Variants in SOX5 observed in about 807,000 individuals in gnomAD.
SOX5 encodes transcription factor SOX-5.
In SOX5, 9 loss-of-function variants were observed where a neutral mutation model predicts 92.0. The observed-to-expected ratio is 0.10, with a 90% CI of 0.06 to 0.17. The LOEUF (loss-of-function observed/expected upper bound fraction) is 0.17. Among genes scored for constraint, SOX5 ranks in the 10% least tolerant of loss-of-function variants. The pLI, the probability that SOX5 is intolerant of heterozygous loss-of-function variation, is 1.00. For synonymous variants in SOX5, 344 were observed against 336.3 expected (o/e 1.02, Z -0.25); for missense variants, 642 against 944.5 (o/e 0.68, Z 4.20).
rs60575337 is a variant in SOX5 at position 23,726,118 on chromosome 12, C to CGAGAGA, written c.810+8560_810+8565dup. On this transcript the variant is annotated intron_variant, in intron 6 of 14. Transcript: ENST00000451604. ...TAATGGTGTTAAATACATACATCCCCGAGAGAGAGAGAGAGAGAGAGAGAG... is the reference window on the plus strand; with the variant it reads ...TAATGGTGTTAAATACATACATCCCCGAGAGAGAGAGAGAGAGAGAGAGAGAGAGAG... 2.3e-3 allele frequency among the ~76,000 whole-genome samples: 280 copies of CGAGAGA among 123,634 alleles called. 2 individuals carry two copies. The highest frequency in any genetic ancestry group is 4.7e-3 in the East Asian group (21 of 4,422). 81.1% of individuals were successfully genotyped at this position (123,634 alleles called of 152,430 possible).
chr12:24,359,284 T>C (rs1955229048), intron 2 of SOX5, among the ~76,000 whole-genome samples: 1 of 152,202 alleles, frequency 6.6e-6, no homozygotes, highest in South Asian at 2.1e-4. Context: ...ATTCAAAATA[T>C]CATTTTGATT....
intron 4 of SOX5, among the ~76,000 whole-genome samples, chr12:24,044,825 TG>T (rs1166472855): frequency 6.6e-6 from 1 of 152,230 alleles, no homozygotes; most frequent in Non-Finnish European, 1.5e-5. Flanking sequence ...AATACATATT[TG>T]TTAAAGCAAC....
chr12:24,216,400 C>T (rs1465510660), intron 3 of SOX5, among the ~76,000 whole-genome samples: 1 of 152,042 alleles, frequency 6.6e-6, no homozygotes, highest in Non-Finnish European at 1.5e-5. Context: ...AGGAGAATGG[C>T]GTGAACCCGG....
chr12:23,794,435 A>T (rs1012857271), intron 3 of SOX5, among the ~76,000 whole-genome samples: 3 of 152,112 alleles, frequency 2.0e-5, no homozygotes, highest in African/African-American at 7.2e-5. Flanking sequence ...GTCTCCCAGT[A>T]GATTGTAAAC....
At chr12:24,559,866 T>G (rs1954165005) in intron 1 of SOX5, among the ~76,000 whole-genome samples, 1 of 152,198 alleles carries the variant, frequency 6.6e-6, no homozygotes, top group Admixed American at 6.5e-5. Flanking sequence ...AGAACTAACT[T>G]AATTTGAATT....
chr12:24,430,685 A>C (rs1022997228), intron 1 of SOX5, among the ~76,000 whole-genome samples: 3 of 152,022 alleles, frequency 2.0e-5, no homozygotes, highest in African/African-American at 4.8e-5. Context: ...TATTTCTAGG[A>C]CTCAAATATT....
intron 10 of SOX5, among the ~76,000 whole-genome samples, chr12:23,574,400 C>T (rs1022440569): frequency 3.3e-5 from 5 of 152,162 alleles, no homozygotes; most frequent in African/African-American, 1.2e-4. Flanking sequence ...AAACCTGCTC[C>T]AATTCTGGGC....
At chr12:23,730,520 A>G (rs1207131921) in intron 6 of SOX5, among the ~76,000 whole-genome samples, 1 of 152,210 alleles carries the variant, frequency 6.6e-6, no homozygotes, top group East Asian at 1.9e-4. Context: ...TGCAAACAAT[A>G]ATAGAAAACA....
intron 3 of SOX5, among the ~76,000 whole-genome samples, chr12:23,764,980 T>C (rs562647942): frequency 1.9e-4 from 29 of 152,204 alleles, no homozygotes; most frequent in African/African-American, 6.7e-4. Flanking sequence ...ATTCATATGA[T>C]AAATCAAAGA....
chr12:24,231,517 T>C (rs1038197877), intron 3 of SOX5, among the ~76,000 whole-genome samples: 28 of 152,194 alleles, frequency 1.8e-4, no homozygotes, highest in African/African-American at 6.0e-4. Context: ...CATTGGCTGC[T>C]TGTACATTCT....
At chr12:23,910,630 C>T (rs1210361743) in intron 1 of SOX5, among the ~76,000 whole-genome samples, 1 of 152,138 alleles carries the variant, frequency 6.6e-6, no homozygotes, top group Non-Finnish European at 1.5e-5. Flanking sequence ...GCTGTATCAT[C>T]TGTTAAGTTA....
chr12:24,352,081 C>A (rs1449222372), intron 2 of SOX5, among the ~76,000 whole-genome samples: 1 of 152,134 alleles, frequency 6.6e-6, no homozygotes, highest in Non-Finnish European at 1.5e-5. Flanking sequence ...CATTGTGTTC[C>A]TTCTTGGTGT....
chr12:23,591,985 T>G (rs1951633741), intron 9 of SOX5, among the ~76,000 whole-genome samples: 1 of 152,098 alleles, frequency 6.6e-6, no homozygotes, highest in South Asian at 2.1e-4. Flanking sequence ...ATCAAAATTG[T>G]AAAGCAAATC....
intron 4 of SOX5, among the ~76,000 whole-genome samples, chr12:23,744,103 T>C (rs80204927): frequency 0.021 from 3,145 of 152,256 alleles, 116 homozygotes; most frequent in African/African-American, 0.072. Context: ...ATGATTTCAT[T>C]CTATTTCAAC....
intron 6 of SOX5, among the ~76,000 whole-genome samples, chr12:23,710,950 G>C (rs1192961621): frequency 1.3e-5 from 2 of 152,054 alleles, no homozygotes; most frequent in Non-Finnish European, 2.9e-5. Context: ...GTGTGAGATG[G>C]TATCTAATTG....
intron 4 of SOX5, among the ~76,000 whole-genome samples, chr12:24,144,819 A>G (rs1950913285): frequency 6.6e-6 from 1 of 150,400 alleles, no homozygotes; most frequent in Admixed American, 6.7e-5. Flanking sequence ...AAAGAGCAAG[A>G]CCCTGTCTCA....
intron 4 of SOX5, among the ~76,000 whole-genome samples, chr12:24,136,888 T>G (rs369905281): frequency 6.6e-6 from 1 of 152,224 alleles, no homozygotes; most frequent in Non-Finnish European, 1.5e-5. Flanking sequence ...TTTGTTACAC[T>G]TTAGCTCAAA....
intron 3 of SOX5, among the ~76,000 whole-genome samples, chr12:24,275,495 C>T (rs571375583): frequency 4.6e-5 from 7 of 152,026 alleles, no homozygotes; most frequent in Non-Finnish European, 1.0e-4. Context: ...TACCAAATAT[C>T]AAATTTTAAA....
chr12:24,370,700 G>C (rs1433685869), intron 1 of SOX5, among the ~76,000 whole-genome samples: 1 of 152,086 alleles, frequency 6.6e-6, no homozygotes, highest in Admixed American at 6.6e-5. Context: ...GCTGAGGTGG[G>C]AGAATCGTTT....
Sources: allele counts gnomAD v4.1 joint callset (sites outside exome capture counted in the v4.1 genomes callset), GRCh38; gene constraint gnomAD v4.1.1; transcripts MANE v1.5; gene names NCBI Gene and HGNC (gene_info 2026-07-23, HGNC 2026-07-21).